The following ANTXR1 variants were observed in gnomAD, a reference collection of about 807,000 sequenced individuals.
The protein encoded by ANTXR1 is anthrax toxin receptor 1.
In ANTXR1, 19 loss-of-function variants were observed where a neutral mutation model predicts 78.1. That is an observed-to-expected ratio of 0.24 (90% CI 0.17 to 0.36). The LOEUF is 0.36. Ranked by LOEUF, ANTXR1 falls within the 10% of genes least tolerant of loss-of-function variation. The pLI is 1.00. For missense variants in ANTXR1, 518 were observed against 718.6 expected (o/e 0.72, Z 3.19); for synonymous variants, 273 against 260.5 (o/e 1.05, Z -0.46).
At chr2:69,136,837 G>C (rs1672920485) in intron 12 of ANTXR1, among the ~76,000 whole-genome samples, 1 of 152,188 alleles carries the variant, frequency 6.6e-6, no homozygotes, top group African/African-American at 2.4e-5. Context: ...GTTGGGCATA[G>C]AAGAGGTGAA....
chr2:69,177,294 G>C (rs187527003), intron 14 of ANTXR1, among the ~76,000 whole-genome samples: 42 of 152,350 alleles, frequency 2.8e-4, no homozygotes, highest in African/African-American at 1.0e-3. Flanking sequence ...TTGAAGCGTG[G>C]AGCTGCACAA....
chr2:69,147,820 C>T (rs896025501), intron 12 of ANTXR1, among the ~76,000 whole-genome samples: 2 of 152,108 alleles, frequency 1.3e-5, no homozygotes, highest in Non-Finnish European at 2.9e-5. Flanking sequence ...TCTCAGTTTT[C>T]CTTACCTGCA....
At chr2:69,091,580 A>C (rs2104285344) in intron 9 of ANTXR1, among the ~76,000 whole-genome samples, 1 of 152,022 alleles carries the variant, frequency 6.6e-6, no homozygotes, top group African/African-American at 2.4e-5. Flanking sequence ...AAATGGAATC[A>C]CCCCTCTTTT....
At chr2:69,120,675 A>T (rs1186297548) in intron 10 of ANTXR1, among the ~76,000 whole-genome samples, 1 of 144,664 alleles carries the variant, frequency 6.9e-6, no homozygotes, top group Non-Finnish European at 1.5e-5. Context: ...GAAAAAAAAG[A>T]TAATAATAAT....
chr2:69,230,918 G>C (rs1331273524), intron 17 of ANTXR1, among the ~76,000 whole-genome samples: 2 of 152,176 alleles, frequency 1.3e-5, no homozygotes, highest in Admixed American at 1.3e-4. Context: ...ATTAAGCCCA[G>C]TACCCAATAG....
At chr2:69,060,609 T>C (rs2104161712) in intron 3 of ANTXR1, among the ~76,000 whole-genome samples, 1 of 152,286 alleles carries the variant, frequency 6.6e-6, no homozygotes, top group Admixed American at 6.5e-5. Flanking sequence ...ACAAATCTAC[T>C]CTCAAATCTT....
chr2:69,226,530 A>C (rs1261856931), intron 17 of ANTXR1, among the ~76,000 whole-genome samples: 1 of 152,216 alleles, frequency 6.6e-6, no homozygotes, highest in African/African-American at 2.4e-5. Context: ...GAAATGCTGC[A>C]AGCCAGGAGC....
intron 17 of ANTXR1, among the ~76,000 whole-genome samples, chr2:69,207,937 G>A (rs1027366111): frequency 3.7e-4 from 56 of 152,272 alleles, no homozygotes; most frequent in African/African-American, 1.2e-3. Context: ...ACTCAGAATG[G>A]GAAGTGCATG....
At chr2:69,029,972 C>G (rs1054557586) in intron 1 of ANTXR1, among the ~76,000 whole-genome samples, 1 of 152,144 alleles carries the variant, frequency 6.6e-6, no homozygotes, top group Non-Finnish European at 1.5e-5. Flanking sequence ...AAAAATCACT[C>G]ATATTACATT....
intron 17 of ANTXR1, among the ~76,000 whole-genome samples, chr2:69,203,736 T>G (rs1454328151): frequency 6.6e-6 from 1 of 151,064 alleles, no homozygotes; most frequent in East Asian, 1.9e-4. Context: ...CACACATTCC[T>G]CCTCCTCCTT....
intron 17 of ANTXR1, among the ~76,000 whole-genome samples, chr2:69,224,695 A>T (rs1558657818): frequency 1.3e-5 from 2 of 152,142 alleles, no homozygotes. Context: ...CTGCTCTTCC[A>T]TCCCCAAACA....
intron 17 of ANTXR1, among the ~76,000 whole-genome samples, chr2:69,213,307 G>A (rs781031023): frequency 3.3e-5 from 5 of 152,156 alleles, no homozygotes; most frequent in African/African-American, 4.8e-5. Context: ...CATCTGAAGC[G>A]CTGCTTCTCA....
intron 8 of ANTXR1, among the ~76,000 whole-genome samples, chr2:69,082,480 G>T (rs1322451439): frequency 2.0e-5 from 3 of 152,096 alleles, no homozygotes; most frequent in African/African-American, 4.8e-5. Context: ...GCTTCTTCAG[G>T]GAATTTCCAC....
At chr2:69,088,833 A>G (rs1671137297) in intron 8 of ANTXR1, among the ~76,000 whole-genome samples, 1 of 152,214 alleles carries the variant, frequency 6.6e-6, no homozygotes, top group African/African-American at 2.4e-5. Flanking sequence ...CCTTGTTCCC[A>G]AGTTAGACTG....
intron 10 of ANTXR1, among the ~76,000 whole-genome samples, chr2:69,121,184 C>T (rs1026209997): frequency 6.6e-6 from 1 of 152,226 alleles, no homozygotes; most frequent in African/African-American, 2.4e-5. Flanking sequence ...TAATTACTAG[C>T]ATGTTGGCTC....
intron 3 of ANTXR1, among the ~76,000 whole-genome samples, chr2:69,063,088 C>T (rs921617391): frequency 1.1e-4 from 17 of 151,998 alleles, no homozygotes; most frequent in African/African-American, 3.6e-4. Context: ...TGAACCAGTC[C>T]TGTGACTTAT....
At position 69,027,071 on chromosome 2, in the gene ANTXR1, C is replaced by T. The variant is rs139433533; in HGVS notation, c.153-12973C>T. On this transcript the variant is annotated intron_variant, in intron 1 of 17. Transcript: ENST00000303714. ...ATCAGTGAGGAGCCCCTAGAATAAT[C>T]CCAGATCTGGAAGTGAGTTTGCAGT... is the stretch of plus-strand genomic sequence containing the variant. 8.6e-4 allele frequency among the ~76,000 whole-genome samples: 131 copies of T among 152,248 alleles called. 1 individual carries two copies. Among genetic ancestry groups the T allele is most frequent in the African/African-American group, 3.0e-3 (124 of 41,536 alleles).
intron 12 of ANTXR1, chr2:69,145,685 T>G (rs1184382135): frequency 5.3e-6 from 6 of 1,136,006 alleles, no homozygotes; most frequent in Non-Finnish European, 6.5e-6. Context: ...ATTTCACAGT[T>G]TCTTTATTTT....
At chr2:69,106,953 G>T (rs896392748) in intron 10 of ANTXR1, among the ~76,000 whole-genome samples, 8 of 152,214 alleles carry the variant, frequency 5.3e-5, no homozygotes, top group African/African-American at 1.9e-4. Flanking sequence ...ATAGGGGAAA[G>T]AATACTCATC....
Sources: gnomAD v4.1 joint callset for allele counts (sites outside exome capture counted in the v4.1 genomes callset) on GRCh38, gnomAD v4.1.1 for gene constraint, MANE v1.5 for transcripts, NCBI Gene and HGNC (gene_info 2026-07-23, HGNC 2026-07-21) for gene names.